ERAL1: variants seen among roughly 807,000 people sequenced by gnomAD.
ERAL1 encodes GTPase Era, mitochondrial.
A neutral mutation model predicts 53.6 loss-of-function variants in ERAL1; 36 were observed. That is an observed-to-expected ratio of 0.67 (90% CI 0.51 to 0.89). The LOEUF is 0.89. ERAL1 is among the 40% of genes least tolerant of loss of function. The pLI is 0.00. For synonymous variants in ERAL1, 215 were observed against 211.8 expected (o/e 1.02, Z -0.13); for missense variants, 512 against 537.5 (o/e 0.95, Z 0.47).
In ERAL1 at chr17:28,859,060, C is replaced by A. The variant is rs368953848; in HGVS notation, c.1057C>A (p.Arg353=). ...TPEEICANII[R]EKLLEHLPQE... ...AGAAGAGATCTGTGCCAACATTATC[C>A]GAGAGAAGCTCCTAGAACACCTGCC... is the stretch of plus-strand genomic sequence containing the variant. Residue 353 remains arginine (R), a synonymous_variant, in exon 8 of 10, where the codon CGA becomes AGA. Coordinates refer to ENST00000254928, the MANE Select transcript of ERAL1 (RefSeq NM_005702.4). 3 of 1,614,056 alleles carry A rather than the reference C, an allele frequency of 1.9e-6. No homozygotes were observed. Among genetic ancestry groups the A allele is most frequent in the Non-Finnish European group, 2.5e-6 (3 of 1,180,044 alleles).
Position 28,855,214 on chromosome 17 carries a change from T to C in ERAL1, c.180T>C (p.Ala60=). ...TCTCTGGTCCCCGCTTGGCCTCGGC[T>C]TCTCGCAGTAATGGCCAGGGCTCTG... ...SAFSGPRLAS[A]SRSNGQGSAL... Residue 60 remains alanine, a synonymous_variant, in exon 1 of 10, where the codon GCT becomes GCC. Transcript: ENST00000254928. 6.2e-7 allele frequency: 1 copy of C among 1,614,254 alleles called. No homozygotes were observed. Among genetic ancestry groups the C allele is most frequent in the Non-Finnish European group, 8.5e-7 (1 of 1,180,042 alleles).
At chr17:28,856,628 G>A (rs775856388) in intron 3 of ERAL1, 46 bp downstream of exon 3, 2 of 1,534,424 alleles carry the variant, frequency 1.3e-6, no homozygotes, top group South Asian at 1.1e-5. Flanking sequence ...AGAGGGTGAA[G>A]CTAAGAGGGT....
chr17:28,856,610 A>T, intron 3 of ERAL1, 28 bp downstream of exon 3: 1 of 1,603,650 alleles, frequency 6.2e-7, no homozygotes, highest in Non-Finnish European at 8.5e-7. Context: ...GAGTCCTTGA[A>T]ACAGGACAGA....
In ERAL1 at chr17:28,857,307, A is replaced by G. The variant is rs563541917; in HGVS notation, c.490-632A>G. On this transcript the variant is annotated intron_variant, in intron 3 of 9. Transcript: ENST00000254928. ...TTTTTAGTAGAGATGGGGTTTCACCATGTTGGCCAGGCTAGTCTCAAACTC... is the reference window on the plus strand; with the variant it reads ...TTTTTAGTAGAGATGGGGTTTCACCGTGTTGGCCAGGCTAGTCTCAAACTC... 1.6e-3 allele frequency among the ~76,000 whole-genome samples: 231 copies of G among 148,734 alleles called. 1 individual carries two copies. Among genetic ancestry groups the G allele is most frequent in the African/African-American group, 5.6e-3 (224 of 40,324 alleles).
At chr17:28,857,892 A>G (rs779370056) in intron 3 of ERAL1, 47 bp from the exon 4 acceptor site, 16 of 1,606,684 alleles carry the variant, frequency 1.0e-5, no homozygotes, top group Non-Finnish European at 1.4e-5. Context: ...CTTCCCAGTC[A>G]TAATCTTTTC....
chr17:28,856,277 C>T lies in ERAL1; in HGVS notation c.297C>T (p.Val99=). ...ACTTGCACATAGATGAGCAGGATGT[C>T]CTCTTGGTCCATCACCCTGATATGC... ...AVSMNRDEQD[V]LLVHHPDMPE... The change falls in exon 2 of 10, where the codon GTC becomes GTT. Residue 99 remains valine (V), a synonymous_variant. Coordinates refer to ENST00000254928, the MANE Select transcript of ERAL1 (RefSeq NM_005702.4). 1 of 1,614,056 alleles carries T rather than the reference C, an allele frequency of 6.2e-7. No homozygotes were observed. The highest frequency in any genetic ancestry group is 1.7e-4 in the Middle Eastern group (1 of 6,060).
chr17:28,855,214 T>G lies in ERAL1; in HGVS notation c.180T>G (p.Ala60=). The G allele has an allele frequency of 6.2e-7, 1 of 1,614,254 alleles. No homozygotes were observed. Among genetic ancestry groups the G allele is most frequent in the Non-Finnish European group, 8.5e-7 (1 of 1,180,042 alleles). The change falls in exon 1 of 10, where the codon GCT becomes GCG. Residue 60 remains alanine (A), a synonymous_variant. Transcript: ENST00000254928. ...SAFSGPRLAS[A]SRSNGQGSAL... Reference sequence around the variant, plus strand: ...TCTCTGGTCCCCGCTTGGCCTCGGCTTCTCGCAGTAATGGCCAGGGCTCTG... The same window carrying G: ...TCTCTGGTCCCCGCTTGGCCTCGGCGTCTCGCAGTAATGGCCAGGGCTCTG...
chr17:28,859,062 A>G lies in ERAL1; in HGVS notation c.1059A>G (p.Arg353=). 1.2e-6 allele frequency: 2 copies of G among 1,614,184 alleles called. No homozygotes were observed. The highest frequency in any genetic ancestry group is 1.7e-6 in the Non-Finnish European group (2 of 1,180,036). The stretch of plus-strand genomic sequence containing the variant: ...AAGAGATCTGTGCCAACATTATCCG[A>G]GAGAAGCTCCTAGAACACCTGCCCC... The part of the protein sequence containing the change: ...TPEEICANII[R]EKLLEHLPQE... Residue 353 remains arginine (R), a synonymous_variant, in exon 8 of 10, where the codon CGA becomes CGG. Coordinates refer to ENST00000254928, the MANE Select transcript of ERAL1 (RefSeq NM_005702.4).
rs1232456366 is a variant in ERAL1 at position 28,858,795 on chromosome 17, C to G, written c.931C>G (p.Leu311Val). The part of the protein sequence containing the change: ...HFKEIFMLSA[L>V]SQEDVKTLKQ... ...CAAGGAGATCTTCATGTTGTCAGCC[C>G]TAAGCCAGGAGGACGTGAAAACACT... Residue 311 changes from leucine (L) to valine (V), a missense_variant, in exon 7 of 10, where the codon CTA becomes GTA. Coordinates refer to ENST00000254928, the MANE Select transcript of ERAL1 (RefSeq NM_005702.4). The G allele has an allele frequency of 6.2e-7, 1 of 1,614,170 alleles. No individual in the cohort carries two copies.
chr17:28,857,969 C>G lies in ERAL1; in HGVS notation c.520C>G (p.Pro174Ala). Residue 174 changes from proline (P) to alanine (A), a missense_variant, in exon 4 of 10, where the codon CCT (proline) becomes GCT (alanine). Physicochemically the swap from Pro to Ala is conservative, Grantham distance 27. Coordinates refer to ENST00000254928, the MANE Select transcript of ERAL1 (RefSeq NM_005702.4). ...ACTTGACACACCTGGCATTATCAGT[C>G]CTGGTAAACAGAAGAGGTAATGGTG... ...ILLDTPGIIS[P>A]GKQKRHHLEL... is the part of the protein sequence containing the mutation. 6.2e-7 allele frequency: 1 copy of G among 1,614,082 alleles called. No individual in the cohort carries two copies. Among genetic ancestry groups the G allele is most frequent in the Non-Finnish European group, 8.5e-7 (1 of 1,180,026 alleles).
intron 9 of ERAL1, 71 bp from the exon 10 acceptor site, chr17:28,860,360 G>GCCC (rs1215369360): frequency 1.8e-5 from 29 of 1,571,594 alleles, no homozygotes; most frequent in Non-Finnish European, 2.3e-5. Flanking sequence ...TCTCACCTTA[G>GCCC]CCCCCCAAGT....
Position 28,856,324 on chromosome 17 carries a change from G to C in ERAL1, c.344G>C (p.Arg115Pro). ...PDMPENSRVL[R>P]VVLLGAPNAG... ...ATGCCTGAGAATTCCCGGGTCCTAC[G>C]AGTGGTCCTCCTGGGAGCCCCGAAT... Residue 115 changes from arginine to proline, a missense_variant, in exon 2 of 10, where the codon CGA (arginine) becomes CCA (proline). Arg to Pro is a moderately radical substitution (Grantham distance 103, BLOSUM62 -2). Transcript: ENST00000254928. 6.2e-7 allele frequency: 1 copy of C among 1,614,130 alleles called. No homozygotes were observed. The highest frequency in any genetic ancestry group is 2.2e-5 in the East Asian group (1 of 44,888).
At chr17:28,858,312 T>C in intron 5 of ERAL1, 62 bp from the exon 6 acceptor site, 8 of 1,610,436 alleles carry the variant, frequency 5.0e-6, no homozygotes, top group Non-Finnish European at 6.8e-6. Flanking sequence ...TGGAAGTTTT[T>C]GTCAGGGCAG....
At position 28,857,965 on chromosome 17, in the gene ERAL1, C is replaced by T. The variant is rs867504731; in HGVS notation, c.516C>T (p.Ile172=). Residue 172 remains isoleucine (I), a synonymous_variant, in exon 4 of 10, where the codon ATC becomes ATT. Transcript: ENST00000254928. ...QVILLDTPGI[I]SPGKQKRHHL... ...TTCTACTTGACACACCTGGCATTAT[C>T]AGTCCTGGTAAACAGAAGAGGTAAT... 1.2e-6 allele frequency: 2 copies of T among 1,613,946 alleles called. No individual in the cohort carries two copies. Among genetic ancestry groups the T allele is most frequent in the Non-Finnish European group, 1.7e-6 (2 of 1,180,026 alleles).
At chr17:28,857,792 A>C (rs2039260697) in intron 3 of ERAL1, 147 bp from the exon 4 acceptor site, 1 of 870,546 alleles carries the variant, frequency 1.1e-6, no homozygotes, top group African/African-American at 1.7e-5. Flanking sequence ...ACTCCGTCTC[A>C]GAAAAAAACA....
chr17:28,860,740 A>C lies in ERAL1; in HGVS notation c.*187A>C, dbSNP rs2039298278. 1.7e-6 allele frequency: 1 copy of C among 592,904 alleles called. No homozygotes were observed. Among genetic ancestry groups the C allele is most frequent in the East Asian group, 4.0e-5 (1 of 24,798 alleles). 36.7% of individuals were successfully genotyped at this position (592,904 alleles called of 1,614,324 possible). A position where few individuals can be genotyped will look rare whatever the true frequency, so the allele number is the denominator to read the frequency against. On this transcript the variant is annotated 3_prime_UTR_variant, in exon 10 of 10. Coordinates refer to ENST00000254928, the MANE Select transcript of ERAL1 (RefSeq NM_005702.4). ...AGCTGTGTCTTCTGTTGGAAGAAGG[A>C]ACCTGCCTTAGCTCAGTTTCCAGGT...
In ERAL1 at chr17:28,855,309, T is replaced by C. The variant is rs1598073657; in HGVS notation, c.275T>C (p.Met92Thr). ...SVTPCVPAVS[M>T]NRDEQDVLLV... ...ACTCCTTGCGTCCCCGCGGTGTCCA[T>C]GAACAGAGGTAAAGCGCCCTGATAG... The change falls in exon 1 of 10, where the codon ATG becomes ACG. Residue 92 changes from methionine (M) to threonine (T), a missense_variant. By Grantham distance (81) the Met-to-Thr change is moderately conservative. Transcript: ENST00000254928. The C allele has an allele frequency of 6.3e-7, 1 of 1,590,236 alleles. No individual in the cohort carries two copies.
At position 28,860,456 on chromosome 17, in the gene ERAL1, AC is replaced by A. The variant is rs1200613395; in HGVS notation, c.1218del (p.His406GlnfsTer2). 8 of 1,611,316 alleles carry A rather than the reference AC, an allele frequency of 5.0e-6. No individual in the cohort carries two copies. Among genetic ancestry groups the A allele is most frequent in the Non-Finnish European group, 6.8e-6 (8 of 1,178,956 alleles). On this transcript the variant is annotated frameshift_variant, in exon 10 of 10. Coordinates refer to ENST00000254928, the MANE Select transcript of ERAL1 (RefSeq NM_005702.4). LOFTEE classifies it high-confidence loss of function. ...AAACTCCTGATTGGTCCGAAGGGCC[AC>A]GTGATCTCCCAGATAGCACAGGAGG... The part of the protein sequence containing the change: ...YVKLLIGPKG[H>X]VISQIAQEAG...
At position 28,860,497 on chromosome 17, in the gene ERAL1, A is replaced by G; in HGVS notation, c.1258A>G (p.Met420Val). 6.2e-7 allele frequency: 1 copy of G among 1,608,276 alleles called. No individual in the cohort carries two copies. The highest frequency in any genetic ancestry group is 1.1e-5 in the South Asian group (1 of 89,942). Residue 420 changes from methionine to valine, a missense_variant, in exon 10 of 10, where the codon ATG becomes GTG. Transcript: ENST00000254928. ...QIAQEAGHDL[M>V]DIFLCDVDIR... ...AGCACAGGAGGCAGGCCATGACCTC[A>G]TGGACATCTTCCTCTGCGATGTTGA... is the stretch of plus-strand genomic sequence containing the variant.
Sources: gnomAD v4.1 joint callset for allele counts (sites outside exome capture counted in the v4.1 genomes callset) on GRCh38, gnomAD v4.1.1 for gene constraint, MANE v1.5 for transcripts, NCBI Gene and HGNC (gene_info 2026-07-23, HGNC 2026-07-21) for gene names.